The following GPATCH2L variants were observed in gnomAD, a reference collection of about 807,000 sequenced individuals.
The protein encoded by GPATCH2L is G-patch domain containing 2 like, also known as G patch domain-containing protein 2-like.
A neutral mutation model predicts 57.4 loss-of-function variants in GPATCH2L; 31 were observed. That is an observed-to-expected ratio of 0.54 (90% CI 0.41 to 0.73). The LOEUF (loss-of-function observed/expected upper bound fraction) is 0.73. Ranked by LOEUF, GPATCH2L falls within the 30% of genes least tolerant of loss-of-function variation. The pLI, the probability that GPATCH2L is intolerant of heterozygous loss-of-function variation, is 0.00. For missense variants in GPATCH2L, 481 were observed against 599.9 expected (o/e 0.80, Z 2.07); for synonymous variants, 199 against 210.7 (o/e 0.94, Z 0.48).
At chr14:76,173,964 T>C (rs2139674000) in intron 5 of GPATCH2L, 1 of 352,270 alleles carries the variant, frequency 2.8e-6, no homozygotes, top group East Asian at 4.3e-5. Context: ...TTGGCTTCTT[T>C]ATGACTCCTC....
intron 5 of GPATCH2L, chr14:76,175,863 T>G (rs868204887): frequency 5.9e-5 from 9 of 152,302 alleles, no homozygotes; most frequent in Admixed American, 1.3e-4. Context: ...ACACAACAGT[T>G]ACTCAGATGT....
Position 76,195,855 on chromosome 14 carries a change from T to C in GPATCH2L, c.1194-23T>C. ...ATAAGAATTAAAAAGTTCAAACCAT[T>C]TTTCTTCTTCTTACATCTGCAGACA... On this transcript the variant is annotated intron_variant, in intron 8 of 9. Transcript: ENST00000261530. The C allele has an allele frequency of 1.9e-6, 3 of 1,574,234 alleles. No individual in the cohort carries two copies. The South Asian group carries it at 3.3e-5, about 17-fold the overall frequency.
intron 1 of GPATCH2L, among the ~76,000 whole-genome samples, chr14:76,228,791 G>T (rs2040547701): frequency 6.6e-6 from 1 of 152,158 alleles, no homozygotes; most frequent in Non-Finnish European, 1.5e-5. Context: ...TGGCCTGTGG[G>T]TTGGAGCTCA....
chr14:76,171,850 C>A lies in GPATCH2L; in HGVS notation c.735C>A (p.Asp245Glu). The part of the protein sequence containing the change: ...FTNDEGRQGD[D>E]EQSDWFYEGE... ...ATGATGTCTTTACTTTAGGTGATGA[C>A]GAACAGAGTGATTGGTTCTATGAAG... The change falls in exon 4 of 10, where the codon GAC becomes GAA. Residue 245 changes from aspartate to glutamate, a missense_variant. Asp to Glu is a conservative substitution (Grantham distance 45). Around this residue, in one of 3 missense-constraint regions of GPATCH2L, gnomAD observed 25 missense variants for 56.9 expected, o/e 0.44. Transcript: ENST00000261530. 1 of 1,572,832 alleles carries A rather than the reference C, an allele frequency of 6.4e-7. No homozygotes were observed. Among genetic ancestry groups the A allele is most frequent in the Admixed American group, 1.9e-5 (1 of 53,472 alleles).
intron 8 of GPATCH2L, among the ~76,000 whole-genome samples, chr14:76,190,432 C>G (rs1020978475): frequency 7.2e-5 from 11 of 152,034 alleles, no homozygotes; most frequent in African/African-American, 2.4e-4. Context: ...GCAAATACCA[C>G]CACAGTGGGG....
intron 3 of GPATCH2L, among the ~76,000 whole-genome samples, chr14:76,170,150 G>A (rs2039020157): frequency 2.0e-5 from 3 of 146,350 alleles, no homozygotes; most frequent in Admixed American, 6.8e-5. Context: ...TCACCAGAAT[G>A]CAGTTTTCAT....
chr14:76,162,418 A>ATCTG (rs2038634260), intron 2 of GPATCH2L, among the ~76,000 whole-genome samples: 1 of 152,146 alleles, frequency 6.6e-6, no homozygotes, highest in South Asian at 2.1e-4. Context: ...GTCTCGTATA[A>ATCTG]CCTAATTGCA....
At chr14:76,222,004 G>A (rs1034375007) in intron 1 of GPATCH2L, among the ~76,000 whole-genome samples, 1 of 152,160 alleles carries the variant, frequency 6.6e-6, no homozygotes, top group Non-Finnish European at 1.5e-5. Flanking sequence ...ACTGTTTTAT[G>A]ATAATGTGTT....
chr14:76,234,132 G>A (rs1041344021), intron 2 of GPATCH2L, among the ~76,000 whole-genome samples: 4 of 152,112 alleles, frequency 2.6e-5, no homozygotes. Context: ...AATAAATTAG[G>A]ATCCAAATGA....
At chr14:76,158,137 T>A (rs1236669132) in intron 2 of GPATCH2L, among the ~76,000 whole-genome samples, 1 of 152,200 alleles carries the variant, frequency 6.6e-6, no homozygotes, top group Non-Finnish European at 1.5e-5. Context: ...TTCTTTTTTT[T>A]TTCATAAGTG....
At chr14:76,187,271 C>T (rs994897266) in intron 8 of GPATCH2L, among the ~76,000 whole-genome samples, 5 of 151,964 alleles carry the variant, frequency 3.3e-5, no homozygotes, top group African/African-American at 7.2e-5. Flanking sequence ...CTCAGTGTCT[C>T]GGAGTATTAA....
At chr14:76,223,616 A>G (rs2040524793) in intron 1 of GPATCH2L, among the ~76,000 whole-genome samples, 1 of 152,346 alleles carries the variant, frequency 6.6e-6, no homozygotes, top group Non-Finnish European at 1.5e-5. Flanking sequence ...TTTTGCTTCA[A>G]AAAGACACTG....
chr14:76,213,330 A>G lies in GPATCH2L; in HGVS notation c.*11479A>G, dbSNP rs2040463051. 1 of 152,176 alleles carries G rather than the reference A, an allele frequency of 6.6e-6. No individual in the cohort carries two copies. Among genetic ancestry groups the G allele is most frequent in the African/African-American group, 2.4e-5 (1 of 41,444 alleles). 9.4% of individuals were successfully genotyped at this position (152,176 alleles called of 1,614,324 possible). On this transcript the variant is annotated 3_prime_UTR_variant, in exon 10 of 10. Transcript: ENST00000261530. ...ATTTTCCAGGAAGGTATAGTTTGCC[A>G]AAAAATGACATCAAAAGAAATCTAA...
chr14:76,223,861 C>T (rs74404866), intron 1 of GPATCH2L, among the ~76,000 whole-genome samples: 3,375 of 152,232 alleles, frequency 0.022, 76 homozygotes, highest in South Asian at 0.078. Context: ...ACTGAAGAAA[C>T]ACTGAAACTA....
chr14:76,225,232 AT>A (rs2040531918), intron 1 of GPATCH2L, among the ~76,000 whole-genome samples: 1 of 152,340 alleles, frequency 6.6e-6, no homozygotes, highest in South Asian at 2.1e-4. Context: ...AGTTACAGTA[AT>A]TAATACCATG....
intron 9 of GPATCH2L, chr14:76,196,276 A>G: frequency 1.6e-6 from 1 of 607,416 alleles, no homozygotes; most frequent in South Asian, 2.0e-5. Context: ...ATGAAAGTCC[A>G]GGTGAAGTGG....
chr14:76,179,763 A>C (rs2039484212), intron 7 of GPATCH2L: 1 of 152,236 alleles, frequency 6.6e-6, no homozygotes, highest in Non-Finnish European at 1.5e-5. Context: ...GCTAGCAAAC[A>C]TAAAGTGAGG....
At chr14:76,190,471 G>T (rs1373270988) in intron 8 of GPATCH2L, among the ~76,000 whole-genome samples, 1 of 152,012 alleles carries the variant, frequency 6.6e-6, no homozygotes, top group Non-Finnish European at 1.5e-5. Context: ...GGGAAGTACT[G>T]ATCCCACACT....
At position 76,154,456 on chromosome 14, in the gene GPATCH2L, C is replaced by T. The variant is rs1428580450; in HGVS notation, c.93C>T (p.Ser31=). 1.2e-6 allele frequency: 2 copies of T among 1,614,100 alleles called. No individual in the cohort carries two copies. The highest frequency in any genetic ancestry group is 1.1e-5 in the South Asian group (1 of 91,074). ...LGELWEEMAL[S]PRQQRRQLRK... ...AACTGTGGGAGGAGATGGCGCTGAG[C>T]CCCCGACAGCAGAGGCGGCAGCTTC... The change falls in exon 2 of 10, where the codon AGC becomes AGT. Residue 31 remains serine (S), a synonymous_variant. Transcript: ENST00000261530. The surrounding 1 kb of genome is among the most constrained non-coding windows in gnomAD (Gnocchi z 4.4).
Sources: allele counts gnomAD v4.1 joint callset (sites outside exome capture counted in the v4.1 genomes callset), GRCh38; gene constraint gnomAD v4.1.1; regional missense constraint gnomAD v4.1.1; non-coding constraint Gnocchi (gnomAD v3.1); transcripts MANE v1.5; gene names NCBI Gene and HGNC (gene_info 2026-07-23, HGNC 2026-07-21).